Variants in DNAJC6 observed in about 807,000 individuals in gnomAD.
DNAJC6 encodes DnaJ heat shock protein family (Hsp40) member C6, also known as auxilin.
A neutral mutation model predicts 110.0 loss-of-function variants in DNAJC6; 34 were observed. The ratio of observed to expected loss-of-function variants is 0.31; its 90% CI spans 0.24 to 0.41. The LOEUF (loss-of-function observed/expected upper bound fraction) is 0.41, where lower values mean the gene tolerates loss of function less well. Ranked by LOEUF, DNAJC6 falls within the 10% of genes least tolerant of loss-of-function variation. The probability of loss-of-function intolerance (pLI) is 1.00; values close to 1 mark genes in which losing one functional copy is unlikely to be tolerated. For synonymous variants in DNAJC6, 406 were observed against 437.2 expected (o/e 0.93, Z 0.89); for missense variants, 1,031 against 1,207.8 (o/e 0.85, Z 2.17).
chr1:65,381,163 C>T (rs1028491136), intron 5 of DNAJC6, among the ~76,000 whole-genome samples: 4 of 151,590 alleles, frequency 2.6e-5, no homozygotes, highest in African/African-American at 7.3e-5. Flanking sequence ...ATGATCTGCC[C>T]GCCTTGGCCT....
intron 1 of DNAJC6, among the ~76,000 whole-genome samples, chr1:65,267,750 G>A (rs767733247): frequency 2.7e-4 from 41 of 152,106 alleles, no homozygotes; most frequent in Non-Finnish European, 5.3e-4. Flanking sequence ...ACTCCAAATA[G>A]GTTATGAATT....
chr1:65,270,803 C>T (rs1263172460), intron 1 of DNAJC6, among the ~76,000 whole-genome samples: 2 of 152,152 alleles, frequency 1.3e-5, no homozygotes. Context: ...CTCAGCCTCC[C>T]TAGTAGCTGG....
chr1:65,393,347 A>G (rs1645947208), intron 12 of DNAJC6, among the ~76,000 whole-genome samples: 1 of 152,230 alleles, frequency 6.6e-6, no homozygotes, highest in Non-Finnish European at 1.5e-5. Flanking sequence ...ATAGGTTTAT[A>G]TGACTAGTAA....
In DNAJC6 at chr1:65,384,165, T is replaced by C. The variant is rs1645848363; in HGVS notation, c.667-28T>C. On this transcript the variant is annotated intron_variant, in intron 5 of 18. Coordinates refer to ENST00000371069, the MANE Select transcript of DNAJC6 (RefSeq NM_001256864.2). ...AGAATGGCTGATTTGATCATGTTCA[T>C]AATGATTTTATGCATTTTCTTTGAC... is the stretch of plus-strand genomic sequence containing the variant. 2.1e-6 allele frequency: 3 copies of C among 1,431,796 alleles called. No homozygotes were observed. In the Admixed American group the frequency reaches 8.0e-5, roughly 38 times the overall value. 88.7% of individuals were successfully genotyped at this position (1,431,796 alleles called of 1,614,324 possible). A position where few individuals can be genotyped will look rare whatever the true frequency, so the allele number is the denominator to read the frequency against.
rs140287158 is a variant in DNAJC6 at position 65,332,352 on chromosome 1, G to A, written c.193+22414G>A. On this transcript the variant is annotated intron_variant, in intron 1 of 18. Transcript: ENST00000371069. ...GTGGTGGGGCACCTTTCTGGAGGAT[G>A]AAAAGGAATCAATTATGCAAAGAGC... Among the ~76,000 whole-genome samples, 14 of 152,296 alleles carry A rather than the reference G, an allele frequency of 9.2e-5. No individual in the cohort carries two copies. The East Asian group carries it at 2.7e-3, about 29-fold the overall frequency.
intron 1 of DNAJC6, among the ~76,000 whole-genome samples, chr1:65,289,220 G>C (rs1180544567): frequency 2.0e-5 from 3 of 151,704 alleles, no homozygotes; most frequent in African/African-American, 7.3e-5. Context: ...CCCCAAGATG[G>C]AGTCTCGCTC....
chr1:65,316,256 T>C (rs1232378168), intron 1 of DNAJC6, among the ~76,000 whole-genome samples: 1 of 152,172 alleles, frequency 6.6e-6, no homozygotes, highest in Non-Finnish European at 1.5e-5. Flanking sequence ...TGCACCTCCA[T>C]CTTTATGTTT....
rs78521871 is a variant in DNAJC6, at chr1:65,399,726, C to T, written c.2107+845C>T. On this transcript the variant is annotated intron_variant, in intron 14 of 18. Coordinates refer to ENST00000371069, the MANE Select transcript of DNAJC6 (RefSeq NM_001256864.2). The stretch of plus-strand genomic sequence containing the variant: ...TACCTCTGCCTCCACCAGCCCCTGG[C>T]CACCACCCTTCTACATGAGTTTGAC... Among the ~76,000 whole-genome samples, 1,507 of 152,286 alleles carry T rather than the reference C, an allele frequency of 9.9e-3. 18 individuals carry two copies. Among genetic ancestry groups the T allele is most frequent in the Non-Finnish European group, 0.014 (965 of 68,026 alleles).
intron 1 of DNAJC6, among the ~76,000 whole-genome samples, chr1:65,312,232 T>C (rs909093447): frequency 1.3e-5 from 2 of 152,194 alleles, no homozygotes; most frequent in Admixed American, 6.5e-5. Flanking sequence ...CTATATTTTA[T>C]TAGGGGAATA....
intron 8 of DNAJC6, among the ~76,000 whole-genome samples, 154 bp from the exon 9 acceptor site, chr1:65,388,182 C>T (rs1189973791): frequency 6.6e-6 from 1 of 152,114 alleles, no homozygotes; most frequent in Non-Finnish European, 1.5e-5. Flanking sequence ...TGAAGCTGAG[C>T]CTATTCTAAC....
At chr1:65,295,026 G>A (rs898907657) in intron 1 of DNAJC6, among the ~76,000 whole-genome samples, 1 of 152,142 alleles carries the variant, frequency 6.6e-6, no homozygotes, top group African/African-American at 2.4e-5. Flanking sequence ...AGAGAAGTAG[G>A]GATGGAAGTG....
chr1:65,312,085 G>A (rs1344345100), intron 1 of DNAJC6, among the ~76,000 whole-genome samples: 3 of 152,156 alleles, frequency 2.0e-5, no homozygotes, highest in Non-Finnish European at 2.9e-5. Flanking sequence ...CTGTTGTGAT[G>A]GGAAAGTGTT....
At chr1:65,410,576 A>G (rs1365219521) in intron 17 of DNAJC6, among the ~76,000 whole-genome samples, 2 of 152,224 alleles carry the variant, frequency 1.3e-5, no homozygotes, top group Non-Finnish European at 2.9e-5. Flanking sequence ...TTCATCCAGC[A>G]ACACTCACTT....
upstream of DNAJC6, among the ~76,000 whole-genome samples, chr1:65,306,234 A>G (rs145263010): frequency 9.2e-5 from 14 of 151,948 alleles, no homozygotes; most frequent in Non-Finnish European, 1.9e-4. Flanking sequence ...TTTTTAGTAG[A>G]TACAGGGTTT....
intron 8 of DNAJC6, 140 bp from the exon 9 acceptor site, chr1:65,388,196 G>A (rs1480951997): frequency 5.5e-6 from 4 of 730,202 alleles, no homozygotes; most frequent in South Asian, 3.3e-5. Context: ...TTCTAACTGG[G>A]GAGGTCATTT....
chr1:65,282,255 T>A (rs972377162), intron 1 of DNAJC6, among the ~76,000 whole-genome samples: 10 of 152,208 alleles, frequency 6.6e-5, no homozygotes, highest in South Asian at 6.2e-4. Flanking sequence ...TTAGAAAAAA[T>A]TTTTTTCAAG....
At chr1:65,379,259 C>A in intron 4 of DNAJC6, 143 bp from the exon 5 acceptor site, 1 of 929,350 alleles carries the variant, frequency 1.1e-6, no homozygotes, top group Non-Finnish European at 1.5e-6. Flanking sequence ...CTTCTTCATG[C>A]ATTTGGACCC....
intron 1 of DNAJC6, among the ~76,000 whole-genome samples, chr1:65,346,989 T>C (rs1645442753): frequency 1.3e-5 from 2 of 152,058 alleles, no homozygotes; most frequent in Non-Finnish European, 2.9e-5. Context: ...ATCTACTTTA[T>C]ATGCAACTTT....
chr1:65,297,969 T>C (rs1644943240), intron 1 of DNAJC6, among the ~76,000 whole-genome samples: 1 of 152,044 alleles, frequency 6.6e-6, no homozygotes, highest in Non-Finnish European at 1.5e-5. Context: ...TAACCCCCTA[T>C]GATTCCATCT....
Sources: gnomAD v4.1 joint callset for allele counts (sites outside exome capture counted in the v4.1 genomes callset) on GRCh38, gnomAD v4.1.1 for gene constraint, MANE v1.5 for transcripts, NCBI Gene and HGNC (gene_info 2026-07-23, HGNC 2026-07-21) for gene names.